Variants in MRAP2 observed in about 807,000 individuals in gnomAD.
The protein encoded by MRAP2 is melanocortin 2 receptor accessory protein 2.
In MRAP2, 20 loss-of-function variants were observed where a neutral mutation model predicts 17.4. The ratio of observed to expected loss-of-function variants is 1.15; its 90% CI spans 0.81 to 1.67. The LOEUF (loss-of-function observed/expected upper bound fraction) is 1.67, where lower values mean the gene tolerates loss of function less well. MRAP2 is among the 40% of genes most tolerant of loss of function. MRAP2 has a pLI of 0.00. For missense variants in MRAP2, 238 were observed against 240.0 expected (o/e 0.99, Z 0.05); for synonymous variants, 96 against 88.4 (o/e 1.09, Z -0.48).
rs112737188 is a variant in MRAP2 at position 84,038,964 on chromosome 6, A to C, written c.-8+5081A>C. Among the ~76,000 whole-genome samples, 949 of 152,366 alleles carry C rather than the reference A, an allele frequency of 6.2e-3. 13 individuals are homozygous for C. The highest frequency in any genetic ancestry group is 0.022 in the African/African-American group (921 of 41,580). On this transcript the variant is annotated intron_variant, in intron 1 of 3. Coordinates refer to ENST00000257776, the MANE Select transcript of MRAP2 (RefSeq NM_138409.4). Reference sequence around the variant, plus strand: ...CCCACAAGTTGTGCTAGCTCAGAGTAGGTAACATATGCTTGGGTTAAAATT... The same window carrying C: ...CCCACAAGTTGTGCTAGCTCAGAGTCGGTAACATATGCTTGGGTTAAAATT...
At chr6:84,078,543 T>A (rs1392134220) in intron 3 of MRAP2, among the ~76,000 whole-genome samples, 2 of 152,184 alleles carry the variant, frequency 1.3e-5, no homozygotes, top group Non-Finnish European at 2.9e-5. Context: ...CCAAAGCTCA[T>A]GTTGAAATTT....
chr6:84,120,050 T>G, the MRAP2 span, among the ~76,000 whole-genome samples: 1 of 152,120 alleles, frequency 6.6e-6, no homozygotes, highest in Non-Finnish European at 1.5e-5. Context: ...AAGCCAGAGG[T>G]GTAGTGCTGT....
At chr6:84,046,285 C>G (rs925255956) in intron 1 of MRAP2, among the ~76,000 whole-genome samples, 1 of 152,054 alleles carries the variant, frequency 6.6e-6, no homozygotes, top group Non-Finnish European at 1.5e-5. Flanking sequence ...TGAAAACTGG[C>G]TGGTCTCTAG....
the MRAP2 span, among the ~76,000 whole-genome samples, chr6:84,128,575 T>A: frequency 6.6e-6 from 1 of 152,138 alleles, no homozygotes; most frequent in Non-Finnish European, 1.5e-5. Flanking sequence ...TCACTTTCCT[T>A]AGCATCAATA....
At chr6:84,126,552 C>T in the MRAP2 span, 4 of 1,376,114 alleles carry the variant, frequency 2.9e-6, no homozygotes, top group Non-Finnish European at 3.9e-6. Context: ...ACTATAATCA[C>T]AAGAATTTAA....
chr6:84,120,831 A>G, the MRAP2 span, among the ~76,000 whole-genome samples: 1 of 152,160 alleles, frequency 6.6e-6, no homozygotes, highest in Admixed American at 6.5e-5. Flanking sequence ...TAAATTATTT[A>G]TAACTTAAAA....
the MRAP2 span, among the ~76,000 whole-genome samples, chr6:84,124,053 TCAAA>T: frequency 6.6e-6 from 1 of 151,758 alleles, no homozygotes; most frequent in Non-Finnish European, 1.5e-5. Flanking sequence ...TAAAAAGTTG[TCAAA>T]CAACAGATGA....
At chr6:84,050,417 G>A (rs1284420423) in intron 1 of MRAP2, among the ~76,000 whole-genome samples, 3 of 152,136 alleles carry the variant, frequency 2.0e-5, no homozygotes, top group African/African-American at 7.2e-5. Context: ...GATCCAGCTG[G>A]CTCAGAGTGT....
chr6:84,113,949 G>A, the MRAP2 span, among the ~76,000 whole-genome samples: 1 of 152,194 alleles, frequency 6.6e-6, no homozygotes, highest in African/African-American at 2.4e-5. Flanking sequence ...CGAGAGATCT[G>A]TTAGTCTGAT....
intron 3 of MRAP2, among the ~76,000 whole-genome samples, chr6:84,064,771 G>A (rs1424412136): frequency 6.6e-6 from 1 of 152,166 alleles, no homozygotes; most frequent in African/African-American, 2.4e-5. Flanking sequence ...ACAGGCGTGA[G>A]CCACCGCGCC....
chr6:84,117,814 C>T, the MRAP2 span, among the ~76,000 whole-genome samples: 1 of 152,146 alleles, frequency 6.6e-6, no homozygotes, highest in Non-Finnish European at 1.5e-5. Flanking sequence ...GCAGTGAAGG[C>T]TGTGAAACAG....
chr6:84,057,072 G>A (rs575730961), intron 2 of MRAP2, among the ~76,000 whole-genome samples: 2 of 152,294 alleles, frequency 1.3e-5, no homozygotes, highest in South Asian at 4.1e-4. Context: ...ATATAAGAGA[G>A]CTGATAAGTA....
intron 3 of MRAP2, among the ~76,000 whole-genome samples, chr6:84,068,903 A>G (rs1313937814): frequency 2.0e-5 from 3 of 148,728 alleles, no homozygotes; most frequent in African/African-American, 7.5e-5. Flanking sequence ...TCCTGAGCTC[A>G]GGCAATCCAC....
chr6:84,071,989 T>C (rs893002456), intron 3 of MRAP2, among the ~76,000 whole-genome samples: 11 of 152,204 alleles, frequency 7.2e-5, no homozygotes, highest in Non-Finnish European at 4.4e-5. Context: ...TTGTATAGTT[T>C]TTTAGACTTC....
At chr6:84,076,475 C>T (rs2099497657) in intron 3 of MRAP2, among the ~76,000 whole-genome samples, 1 of 152,136 alleles carries the variant, frequency 6.6e-6, no homozygotes, top group South Asian at 2.1e-4. Context: ...CCACCTACCT[C>T]TGCCTCCCAA....
the MRAP2 span, among the ~76,000 whole-genome samples, chr6:84,099,185 T>A: frequency 6.6e-6 from 1 of 150,496 alleles, no homozygotes; most frequent in East Asian, 1.9e-4. Context: ...CCTTTTCTTT[T>A]TTTTTTTTTT....
At chr6:84,119,009 C>G in the MRAP2 span, among the ~76,000 whole-genome samples, 1 of 151,838 alleles carries the variant, frequency 6.6e-6, no homozygotes, top group African/African-American at 2.4e-5. Flanking sequence ...TGTGGGTTTA[C>G]TTTTGGACAC....
intron 1 of MRAP2, among the ~76,000 whole-genome samples, chr6:84,037,584 C>T (rs1275053785): frequency 2.0e-5 from 3 of 151,066 alleles, no homozygotes; most frequent in Non-Finnish European, 4.4e-5. Flanking sequence ...GGGTGGGGGG[C>T]TGGGCTCTGG....
intron 2 of MRAP2, among the ~76,000 whole-genome samples, chr6:84,060,469 A>C (rs1392359631): frequency 6.6e-6 from 1 of 152,348 alleles, no homozygotes; most frequent in South Asian, 2.1e-4. Flanking sequence ...GAAAAATGTC[A>C]ATCAACATGA....
Sources: allele counts gnomAD v4.1 joint callset (sites outside exome capture counted in the v4.1 genomes callset), GRCh38; gene constraint gnomAD v4.1.1; transcripts MANE v1.5; gene names NCBI Gene and HGNC (gene_info 2026-07-23, HGNC 2026-07-21).